Variants in TRPM4 observed in about 807,000 individuals in gnomAD.
TRPM4 encodes transient receptor potential cation channel subfamily M member 4.
TRPM4 carries 124 observed loss-of-function variants against 135.6 expected under a neutral mutation model. The ratio of observed to expected loss-of-function variants is 0.91; its 90% CI spans 0.79 to 1.06. The LOEUF (loss-of-function observed/expected upper bound fraction) is 1.06. Ranked by LOEUF, TRPM4 falls within the 50% of genes least tolerant of loss-of-function variation. The pLI, the probability that TRPM4 is intolerant of heterozygous loss-of-function variation, is 0.00. For missense variants in TRPM4, 1,658 were observed against 1,671.4 expected (o/e 0.99, Z 0.14); for synonymous variants, 745 against 705.6 (o/e 1.06, Z -0.88).
rs146601822 is a variant in TRPM4 at position 49,195,001 on chromosome 19, A to G, written c.2211-1439A>G. Among the ~76,000 whole-genome samples the G allele has an allele frequency of 3.6e-3, 550 of 151,350 alleles. 1 individual carries two copies. Among genetic ancestry groups the G allele is most frequent in the African/African-American group, 0.012 (497 of 41,166 alleles). ...GGTGTTGAACTCCTGGGCTCAAGCA[A>G]TCTGCTCACCTTGGCCTCCCAAAGT... On this transcript the variant is annotated intron_variant, in intron 16 of 24. Coordinates refer to ENST00000252826, the MANE Select transcript of TRPM4 (RefSeq NM_017636.4).
chr19:49,166,277 A>T, intron 3 of TRPM4, 62 bp downstream of exon 3: 1 of 1,504,850 alleles, frequency 6.6e-7, no homozygotes, highest in Non-Finnish European at 8.9e-7. Context: ...GGGGCTCCAG[A>T]GTGGAGCCGG....
At chr19:49,182,073 C>CACCCATCT (rs1967954172) in intron 10 of TRPM4, among the ~76,000 whole-genome samples, 1 of 142,064 alleles carries the variant, frequency 7.0e-6, no homozygotes, top group African/African-American at 2.7e-5. Flanking sequence ...TCCATCCATC[C>CACCCATCT]ATCCATCCAT....
Position 49,210,942 on chromosome 19 carries a change from G to A in TRPM4, c.3462-73G>A. The A allele has an allele frequency of 9.3e-7, 1 of 1,073,554 alleles. No individual in the cohort carries two copies. 66.5% of individuals were successfully genotyped at this position (1,073,554 alleles called of 1,614,324 possible). A position where few individuals can be genotyped will look rare whatever the true frequency, so the allele number is the denominator to read the frequency against. ...TGGGAGGGAGGGAGAGAGGGAGGAG[G>A]CCCGGGAAGCAGGCAGAGCCCTGGG... On this transcript the variant is annotated intron_variant, in intron 22 of 24. Coordinates refer to ENST00000252826, the MANE Select transcript of TRPM4 (RefSeq NM_017636.4). This position sits in a 1 kb window ranked among gnomAD's most constrained non-coding sequence, Gnocchi z 4.1.
At chr19:49,197,677 T>C (rs1968748467) in intron 17 of TRPM4, among the ~76,000 whole-genome samples, 2 of 151,228 alleles carry the variant, frequency 1.3e-5, no homozygotes, top group Non-Finnish European at 2.9e-5. Flanking sequence ...TGTTTTTGTT[T>C]TCTTTCTTTT....
chr19:49,167,267 C>G (rs1253393653), intron 3 of TRPM4, among the ~76,000 whole-genome samples: 16 of 96,442 alleles, frequency 1.7e-4, no homozygotes, highest in African/African-American at 6.3e-4. Context: ...CTCTGTCCCT[C>G]TCTCTCTGGG....
intron 9 of TRPM4, among the ~76,000 whole-genome samples, chr19:49,180,484 C>T (rs562146043): frequency 2.1e-5 from 3 of 144,674 alleles, no homozygotes; most frequent in South Asian, 2.2e-4. Context: ...GTGTTGCACC[C>T]GGGCCTTTGC....
Position 49,210,546 on chromosome 19 carries a change from CTTAAGCACTGAGGGGCAGTGCT to C in TRPM4, c.3328+143_3329-141del. 1 of 1,417,900 alleles carries C rather than the reference CTTAAGCACTGAGGGGCAGTGCT, an allele frequency of 7.1e-7. No homozygotes were observed. Among genetic ancestry groups the C allele is most frequent in the Non-Finnish European group, 9.7e-7 (1 of 1,025,818 alleles). 87.8% of individuals were successfully genotyped at this position (1,417,900 alleles called of 1,614,324 possible). A position where few individuals can be genotyped will look rare whatever the true frequency, so the allele number is the denominator to read the frequency against. On this transcript the variant is annotated intron_variant, in intron 21 of 24. Coordinates refer to ENST00000252826, the MANE Select transcript of TRPM4 (RefSeq NM_017636.4). This position sits in a 1 kb window ranked among gnomAD's most constrained non-coding sequence, Gnocchi z 4.1. ...GGGGTTTAAGCAACAAGGGGCGGAG[CTTAAGCACTGAGGGGCAGTGCT>C]TACGGGTGAGGGGCGGGGCATGTTC...
At chr19:49,178,614 T>C (rs1037738410) in intron 9 of TRPM4, among the ~76,000 whole-genome samples, 1 of 151,658 alleles carries the variant, frequency 6.6e-6, no homozygotes, top group Non-Finnish European at 1.5e-5. Flanking sequence ...GTAGGGAAGA[T>C]GGGTTTGAGG....
At chr19:49,208,280 TCA>T (rs1969222727) in intron 20 of TRPM4, among the ~76,000 whole-genome samples, 1 of 145,716 alleles carries the variant, frequency 6.9e-6, no homozygotes. Context: ...GGGCCTGACA[TCA>T]GTCAGGCCCT....
chr19:49,188,640 G>A lies in TRPM4; in HGVS notation c.1744-1G>A, dbSNP rs1372687517. ...CATCCGTGCCCTCTTTGTCTCTCCA[G>A]GGTTCCAATGCAGTTTCCTCAGCTC... On this transcript the variant is annotated splice_acceptor_variant, in intron 12 of 24. Coordinates refer to ENST00000252826, the MANE Select transcript of TRPM4 (RefSeq NM_017636.4). LOFTEE classifies it high-confidence loss of function. 1 of 1,614,162 alleles carries A rather than the reference G, an allele frequency of 6.2e-7. No individual in the cohort carries two copies. The highest frequency in any genetic ancestry group is 2.2e-5 in the East Asian group (1 of 44,874).
Position 49,211,187 on chromosome 19 carries a change from G to GGGGT in TRPM4, c.3565_3568dup (p.Ala1190GlyfsTer20). The GGGGT allele has an allele frequency of 6.2e-7, 1 of 1,604,210 alleles. No individual in the cohort carries two copies. The highest frequency in any genetic ancestry group is 1.1e-5 in the South Asian group (1 of 89,432). On this transcript the variant is annotated frameshift_variant, in exon 24 of 25. Transcript: ENST00000252826. LOFTEE classifies it high-confidence loss of function. This position sits in a 1 kb window ranked among gnomAD's most constrained non-coding sequence, Gnocchi z 4.8. ...AGGTCCAGCAGTGTAGCCGCGTCCT[G>GGGGT]GGGTGGGTGGCCGAGGCCCTGAGCC... is the stretch of plus-strand genomic sequence containing the variant.
chr19:49,198,612 C>A lies in TRPM4; in HGVS notation c.2646-1688C>A, dbSNP rs547922114. Among the ~76,000 whole-genome samples the A allele has an allele frequency of 9.8e-4, 139 of 141,746 alleles. 2 individuals are homozygous for A. The highest frequency in any genetic ancestry group is 8.5e-3 in the Admixed American group (115 of 13,478). The allele number at this position is 141,746 out of a possible 152,430, so 93.0% of individuals were successfully genotyped here. On this transcript the variant is annotated intron_variant, in intron 17 of 24. Transcript: ENST00000252826. ...GCAGTGAGCCAAGATCATGCCACTG[C>A]ACTCTAGCCTGGGTGAAAAGAGCAA... is the stretch of plus-strand genomic sequence containing the variant.
rs528904511 is a variant in TRPM4 at position 49,194,315 on chromosome 19, C to T, written c.2211-2125C>T. Among the ~76,000 whole-genome samples, 18 of 152,230 alleles carry T rather than the reference C, an allele frequency of 1.2e-4. 1 individual carries two copies. Among genetic ancestry groups the T allele is most frequent in the East Asian group, 9.6e-4 (5 of 5,184 alleles). On this transcript the variant is annotated intron_variant, in intron 16 of 24. Coordinates refer to ENST00000252826, the MANE Select transcript of TRPM4 (RefSeq NM_017636.4). ...TGTCACTCAGGCTGGAGAGCAGTGG[C>T]GCGATCATGGCTTACTGCACCCTCA...
Position 49,210,301 on chromosome 19 carries a change from T to G in TRPM4, c.3224T>G (p.Leu1075Arg), listed in dbSNP as rs144421653. The stretch of plus-strand genomic sequence containing the variant: ...CGGGAATTCCACTCTCGGCCCGCGC[T>G]GGCCCCGCCCTTTATCGTCATCTCC... ...LIREFHSRPA[L>R]APPFIVISHL... Residue 1075 changes from leucine to arginine, a missense_variant, in exon 21 of 25, where the codon CTG becomes CGG. This residue lies in a region of TRPM4 where 1,412 missense variants were observed against 1,408.7 expected (regional missense o/e 1.00). Coordinates refer to ENST00000252826, the MANE Select transcript of TRPM4 (RefSeq NM_017636.4). This position sits in a 1 kb window ranked among gnomAD's most constrained non-coding sequence, Gnocchi z 4.1. 3.1e-6 allele frequency: 5 copies of G among 1,614,222 alleles called. No individual in the cohort carries two copies. Among genetic ancestry groups the G allele is most frequent in the Non-Finnish European group, 3.4e-6 (4 of 1,180,050 alleles).
chr19:49,193,080 G>GGTTTTTT (rs544387196), intron 16 of TRPM4, among the ~76,000 whole-genome samples: 2 of 132,800 alleles, frequency 1.5e-5, no homozygotes, highest in South Asian at 2.4e-4. Context: ...AAATCAGTTG[G>GGTTTTTT]TTTTTTTTTT....
chr19:49,176,167 A>G (rs1600436208), intron 9 of TRPM4, among the ~76,000 whole-genome samples: 1 of 150,004 alleles, frequency 6.7e-6, no homozygotes, highest in East Asian at 2.0e-4. Flanking sequence ...CAGGTGATCC[A>G]CCCGCCTCGG....
intron 9 of TRPM4, among the ~76,000 whole-genome samples, chr19:49,179,788 G>A (rs901502907): frequency 4.6e-5 from 7 of 152,240 alleles, no homozygotes; most frequent in African/African-American, 1.7e-4. Context: ...AGCACAGAAA[G>A]CCATGAGGTC....
intron 4 of TRPM4, 37 bp downstream of exon 4, chr19:49,168,134 C>T (rs748446039): frequency 3.1e-6 from 5 of 1,591,902 alleles, no homozygotes; most frequent in African/African-American, 2.7e-5. Context: ...TCCTGGGCCT[C>T]GGCCTGCCTG....
Position 49,182,590 on chromosome 19 carries a change from G to A in TRPM4, c.1276G>A (p.Glu426Lys). ...CCCACCCTGCCAGTCCTTCCATCTCGAAGCTTCCCTCATGGACGCCCTGCT... is the reference window on the plus strand; with the variant it reads ...CCCACCCTGCCAGTCCTTCCATCTCAAAGCTTCCCTCATGGACGCCCTGCT... ...GDIQWRSFHLEASLMDALLND... is the reference protein window; with the variant it reads ...GDIQWRSFHLKASLMDALLND... Residue 426 changes from glutamate (E) to lysine (K), a missense_variant, in exon 11 of 25, where the codon GAA becomes AAA. Physicochemically the swap from Glu to Lys is moderately conservative, Grantham distance 56. Around this residue, in one of 3 missense-constraint regions of TRPM4, gnomAD observed 1,412 missense variants for 1,408.7 expected, o/e 1.00. Coordinates refer to ENST00000252826, the MANE Select transcript of TRPM4 (RefSeq NM_017636.4). The A allele has an allele frequency of 2.5e-6, 4 of 1,613,354 alleles. No homozygotes were observed. Among genetic ancestry groups the A allele is most frequent in the Middle Eastern group, 3.3e-4 (2 of 6,060 alleles).
Sources: allele counts gnomAD v4.1 joint callset (sites outside exome capture counted in the v4.1 genomes callset), GRCh38; gene constraint gnomAD v4.1.1; regional missense constraint gnomAD v4.1.1; non-coding constraint Gnocchi (gnomAD v3.1); transcripts MANE v1.5; gene names NCBI Gene and HGNC (gene_info 2026-07-23, HGNC 2026-07-21).